IQSEC3: variants seen among roughly 807,000 people sequenced by gnomAD.
The protein encoded by IQSEC3 is IQ motif and SEC7 domain-containing protein 3.
A neutral mutation model predicts 105.4 loss-of-function variants in IQSEC3; 50 were observed. The ratio of observed to expected loss-of-function variants is 0.47; its 90% CI spans 0.38 to 0.60. IQSEC3 has a LOEUF of 0.60. Ranked by LOEUF, IQSEC3 falls within the 20% of genes least tolerant of loss-of-function variation. The pLI, the probability that IQSEC3 is intolerant of heterozygous loss-of-function variation, is 0.00. For missense variants in IQSEC3, 1,415 were observed against 1,630.0 expected (o/e 0.87, Z 2.27); for synonymous variants, 708 against 746.0 (o/e 0.95, Z 0.83).
chr12:107,986 G>C (rs1025333983), intron 2 of IQSEC3, among the ~76,000 whole-genome samples: 2 of 152,170 alleles, frequency 1.3e-5, no homozygotes, highest in Non-Finnish European at 2.9e-5. Context: ...CTCCTCTTCA[G>C]AAAGTTGGGG....
In IQSEC3 at chr12:177,328, C is replaced by T. The variant is rs1260010238; in HGVS notation, c.*2295C>T. The T allele has an allele frequency of 1.6e-5, 2 of 121,442 alleles. No homozygotes were observed. Among genetic ancestry groups the T allele is most frequent in the South Asian group, 2.6e-4 (1 of 3,830 alleles). 7.5% of individuals were successfully genotyped at this position (121,442 alleles called of 1,614,324 possible). On this transcript the variant is annotated 3_prime_UTR_variant, in exon 14 of 14. Coordinates refer to ENST00000538872, the MANE Select transcript of IQSEC3 (RefSeq NM_001170738.2). The surrounding 1 kb of genome is among the most constrained non-coding windows in gnomAD (Gnocchi z 5.3). ...ACAGCTCTTCAAACTTACCAAGTGC[C>T]CTCTCCCCTGTTGAGGGCACAGCAA...
At chr12:157,400 A>T in intron 6 of IQSEC3, 128 bp from the exon 7 acceptor site, 1 of 1,178,898 alleles carries the variant, frequency 8.5e-7, no homozygotes. Flanking sequence ...TATGGGACAG[A>T]CACTGGTCTC....
chr12:138,976 C>T lies in IQSEC3; in HGVS notation c.1613C>T (p.Pro538Leu). 1.3e-6 allele frequency: 2 copies of T among 1,538,750 alleles called. No individual in the cohort carries two copies. The highest frequency in any genetic ancestry group is 1.8e-6 in the Non-Finnish European group (2 of 1,142,842). The change falls in exon 4 of 14, where the codon CCG becomes CTG. Residue 538 changes from proline (P) to leucine (L), a missense_variant. This residue lies in a region of IQSEC3 where 720 missense variants were observed against 633.0 expected (regional missense o/e 1.14). Transcript: ENST00000538872. The surrounding 1 kb of genome is among the most constrained non-coding windows in gnomAD (Gnocchi z 7.1). ...GGCGAGACCTCTGGGCGGGAGGCCCCGGAAGCCCCCGCCGTGGGCCGGGAG... is the reference window on the plus strand; with the variant it reads ...GGCGAGACCTCTGGGCGGGAGGCCCTGGAAGCCCCCGCCGTGGGCCGGGAG... ...EQGETSGREA[P>L]EAPAVGREDA... is the part of the protein sequence containing the mutation.
At chr12:170,111 C>T (rs1260694960) in intron 12 of IQSEC3, among the ~76,000 whole-genome samples, 1 of 152,220 alleles carries the variant, frequency 6.6e-6, no homozygotes, top group African/African-American at 2.4e-5. Context: ...GGGCTCTTTT[C>T]GCTATGTGGA....
At chr12:84,476 A>T (rs12315120) in intron 1 of IQSEC3, among the ~76,000 whole-genome samples, 4,293 of 152,336 alleles carry the variant, frequency 0.028, 195 homozygotes, top group African/African-American at 0.098. Context: ...GTATGTGTGT[A>T]TGTATGCATT....
chr12:110,543 C>T (rs1051555514), intron 2 of IQSEC3, among the ~76,000 whole-genome samples: 4 of 151,984 alleles, frequency 2.6e-5, no homozygotes, highest in Non-Finnish European at 2.9e-5. Context: ...TTGTTATCCC[C>T]TCTGGGATTT....
chr12:136,497 A>G (rs556300871), intron 3 of IQSEC3, among the ~76,000 whole-genome samples: 1 of 152,262 alleles, frequency 6.6e-6, no homozygotes, highest in African/African-American at 2.4e-5. Context: ...TGGGGGCTCC[A>G]GTGGAGCAGG....
At chr12:130,564 C>T (rs1309895458) in intron 3 of IQSEC3, among the ~76,000 whole-genome samples, 1 of 152,172 alleles carries the variant, frequency 6.6e-6, no homozygotes, top group Non-Finnish European at 1.5e-5. Context: ...GCAGCCCAAC[C>T]TGGGATCAGA....
chr12:99,436 C>T (rs1864349726), intron 2 of IQSEC3, among the ~76,000 whole-genome samples: 1 of 152,212 alleles, frequency 6.6e-6, no homozygotes, highest in African/African-American at 2.4e-5. Context: ...CTGTCGATCA[C>T]ACCCCACACG....
rs887928927 is a variant in IQSEC3, at chr12:175,302, G to A, written c.*269G>A. 4 of 441,734 alleles carry A rather than the reference G, an allele frequency of 9.1e-6. No homozygotes were observed. Among genetic ancestry groups the A allele is most frequent in the African/African-American group, 6.0e-5 (3 of 50,094 alleles). 27.4% of individuals were successfully genotyped at this position (441,734 alleles called of 1,614,324 possible). A position where few individuals can be genotyped will look rare whatever the true frequency, so the allele number is the denominator to read the frequency against. On this transcript the variant is annotated 3_prime_UTR_variant, in exon 14 of 14. Coordinates refer to ENST00000538872, the MANE Select transcript of IQSEC3 (RefSeq NM_001170738.2). ...ACCCGGCGAGGCCTCCTCTTCCCCT[G>A]GCCACCACTTTCCCCCATTGGACCA...
At chr12:129,990 G>A (rs540258089) in intron 3 of IQSEC3, among the ~76,000 whole-genome samples, 2 of 152,188 alleles carry the variant, frequency 1.3e-5, no homozygotes, top group African/African-American at 4.8e-5. Flanking sequence ...CCCTTCCCAC[G>A]CTGAAAGTGA....
At position 157,511 on chromosome 12, in the gene IQSEC3, A is replaced by C. The variant is rs561166741; in HGVS notation, c.2277-17A>C. On this transcript the variant is annotated splice_polypyrimidine_tract_variant and intron_variant, in intron 6 of 13. Transcript: ENST00000538872. The stretch of plus-strand genomic sequence containing the variant: ...GGCGGGGGCTCAGCGTCCGCTCTGC[A>C]TCTGACCCCCCCACAGCCAGCGCTA... 1.9e-6 allele frequency: 3 copies of C among 1,604,436 alleles called. No individual in the cohort carries two copies. The highest frequency in any genetic ancestry group is 1.1e-5 in the South Asian group (1 of 88,912).
rs529305501 is a variant in IQSEC3 at position 125,824 on chromosome 12, G to A, written c.815G>A (p.Arg272Gln). The A allele has an allele frequency of 1.8e-5, 28 of 1,529,578 alleles. No homozygotes were observed. Among genetic ancestry groups the A allele is most frequent in the Middle Eastern group, 2.1e-4 (1 of 4,854 alleles). 94.8% of individuals were successfully genotyped at this position (1,529,578 alleles called of 1,614,324 possible). A position where few individuals can be genotyped will look rare whatever the true frequency, so the allele number is the denominator to read the frequency against. The change falls in exon 3 of 14, where the codon CGG becomes CAG. Residue 272 changes from arginine (R) to glutamine (Q), a missense_variant. By Grantham distance (43) the Arg-to-Gln change is conservative (BLOSUM62 1). Coordinates refer to ENST00000538872, the MANE Select transcript of IQSEC3 (RefSeq NM_001170738.2). ...CCCCAGCACAAGGCCTCCCCCGGCC[G>A]GCAGCAGCCTGCCCTGGCGACGGCG... The part of the protein sequence containing the change: ...AGPQHKASPG[R>Q]QQPALATALC...
At chr12:78,667 G>A (rs1335228280) in intron 1 of IQSEC3, among the ~76,000 whole-genome samples, 1 of 152,216 alleles carries the variant, frequency 6.6e-6, no homozygotes, top group Non-Finnish European at 1.5e-5. Flanking sequence ...TTTGAATCTC[G>A]ACTCAGTCGT....
rs1555094752 is a variant in IQSEC3, at chr12:157,509, G to A, written c.2277-19G>A. The A allele has an allele frequency of 6.2e-7, 1 of 1,603,442 alleles. No individual in the cohort carries two copies. Among genetic ancestry groups the A allele is most frequent in the Non-Finnish European group, 8.5e-7 (1 of 1,174,322 alleles). On this transcript the variant is annotated intron_variant, in intron 6 of 13. Transcript: ENST00000538872. ...TGGGCGGGGGCTCAGCGTCCGCTCTGCATCTGACCCCCCCACAGCCAGCGC... is the reference window on the plus strand; with the variant it reads ...TGGGCGGGGGCTCAGCGTCCGCTCTACATCTGACCCCCCCACAGCCAGCGC...
At chr12:169,201 T>G in intron 12 of IQSEC3, 96 bp downstream of exon 12, 4 of 966,878 alleles carry the variant, frequency 4.1e-6, no homozygotes, top group Non-Finnish European at 6.4e-6. Context: ...GAGGTGCCCA[T>G]TCCCGTGGCG....
At chr12:79,372 T>A (rs1863668726) in intron 1 of IQSEC3, among the ~76,000 whole-genome samples, 1 of 152,182 alleles carries the variant, frequency 6.6e-6, no homozygotes, top group Non-Finnish European at 1.5e-5. Flanking sequence ...CCACCTGTAC[T>A]TGTACAGGTG....
chr12:153,030 T>G (rs1555093087), intron 5 of IQSEC3, among the ~76,000 whole-genome samples: 1 of 151,918 alleles, frequency 6.6e-6, no homozygotes, highest in Non-Finnish European at 1.5e-5. Flanking sequence ...AAAGTGGGAA[T>G]TAGGAGTGCT....
intron 12 of IQSEC3, 49 bp from the exon 13 acceptor site, chr12:171,063 G>C: frequency 6.2e-7 from 1 of 1,609,212 alleles, no homozygotes; most frequent in Non-Finnish European, 8.5e-7. Context: ...AGGGGCAGGG[G>C]CTTGGCTCAG....
Sources: allele counts gnomAD v4.1 joint callset (sites outside exome capture counted in the v4.1 genomes callset), GRCh38; gene constraint gnomAD v4.1.1; regional missense constraint gnomAD v4.1.1; non-coding constraint Gnocchi (gnomAD v3.1); transcripts MANE v1.5; gene names NCBI Gene and HGNC (gene_info 2026-07-23, HGNC 2026-07-21).